TREM1: variants seen among roughly 807,000 people sequenced by gnomAD.
The protein encoded by TREM1 is triggering receptor expressed on monocytes 1.
TREM1 carries 16 observed loss-of-function variants against 22.4 expected under a neutral mutation model. The ratio of observed to expected loss-of-function variants is 0.71; its 90% CI spans 0.48 to 1.08. The LOEUF is 1.08. Ranked by LOEUF, TREM1 falls within the 50% of genes least tolerant of loss-of-function variation. The pLI, the probability that TREM1 is intolerant of heterozygous loss-of-function variation, is 0.00. For missense variants in TREM1, 283 were observed against 282.9 expected, an observed-to-expected ratio of 1.00 and a Z score of 0.00; for synonymous variants, 110 against 111.6, an observed-to-expected ratio of 0.99 and a Z score of 0.09.
rs988061729 is a variant in TREM1, at chr6:41,283,355, A to G, written c.50-604T>C. Among the ~76,000 whole-genome samples the G allele has an allele frequency of 2.2e-4, 34 of 152,066 alleles. 1 individual carries two copies. Among genetic ancestry groups the G allele is most frequent in the African/African-American group, 7.0e-4 (29 of 41,404 alleles). On this transcript the variant is annotated intron_variant, in intron 1 of 3. Transcript: ENST00000244709. Reference sequence around the variant, plus strand: ...CAAGGGAACGATCCTGTGTGGCTCTACTGTTGGGGCAGCCCACATTCTCAA... The same window carrying G: ...CAAGGGAACGATCCTGTGTGGCTCTGCTGTTGGGGCAGCCCACATTCTCAA...
intron 3 of TREM1, among the ~76,000 whole-genome samples, chr6:41,278,512 A>G (rs1163715433): frequency 1.3e-5 from 2 of 151,874 alleles, no homozygotes; most frequent in African/African-American, 4.8e-5. Context: ...CTCTACAAAA[A>G]TAATAAAAAG....
chr6:41,285,836 A>C (rs1417367479), intron 1 of TREM1, among the ~76,000 whole-genome samples: 1 of 152,238 alleles, frequency 6.6e-6, no homozygotes. Flanking sequence ...GCAGTTGTCC[A>C]TGACTTTGCT....
intron 2 of TREM1, chr6:41,281,430 G>C (rs1767917334): frequency 4.7e-6 from 2 of 428,378 alleles, no homozygotes; most frequent in Non-Finnish European, 8.4e-6. Flanking sequence ...AGCAGAAAGA[G>C]AGAAGAAGAA....
chr6:41,270,420 G>T (rs2449826), downstream of TREM1, among the ~76,000 whole-genome samples: 4 of 139,862 alleles, frequency 2.9e-5, no homozygotes, highest in Admixed American at 7.3e-5. Context: ...ATATGTGTCT[G>T]TTTGCACATA....
intron 1 of TREM1, among the ~76,000 whole-genome samples, chr6:41,284,645 G>A (rs1268934423): frequency 1.3e-5 from 2 of 152,266 alleles, no homozygotes; most frequent in East Asian, 3.9e-4. Context: ...GGTAACACTA[G>A]TACTGCTGTT....
intron 3 of TREM1, among the ~76,000 whole-genome samples, chr6:41,276,803 A>G (rs1767689539): frequency 6.6e-6 from 1 of 152,142 alleles, no homozygotes; most frequent in Non-Finnish European, 1.5e-5. Flanking sequence ...GGTAAGACAC[A>G]GGGACAGACA....
intron 3 of TREM1, among the ~76,000 whole-genome samples, chr6:41,278,430 G>C (rs1475059706): frequency 6.6e-6 from 1 of 151,900 alleles, no homozygotes; most frequent in Non-Finnish European, 1.5e-5. Flanking sequence ...AGCACTTTGG[G>C]AGGCCGAGGT....
At chr6:41,278,887 G>A (rs1353024743) in intron 3 of TREM1, among the ~76,000 whole-genome samples, 3 of 152,274 alleles carry the variant, frequency 2.0e-5, no homozygotes, top group East Asian at 3.9e-4. Context: ...CCAAGGTCTA[G>A]GGGCAAGAAA....
At chr6:41,285,978 C>T (rs976227860) in intron 1 of TREM1, among the ~76,000 whole-genome samples, 4 of 152,166 alleles carry the variant, frequency 2.6e-5, no homozygotes, top group Admixed American at 1.3e-4. Context: ...GAATAAAGCC[C>T]GCATGCTTCT....
At chr6:41,282,040 G>C (rs1370418159) in intron 2 of TREM1, 1 of 242,798 alleles carries the variant, frequency 4.1e-6, no homozygotes, top group East Asian at 9.3e-5. Context: ...AGAAAGATGT[G>C]AGAGGGGCTG....
chr6:41,271,800 G>C (rs1767485080), downstream of TREM1, among the ~76,000 whole-genome samples: 3 of 152,096 alleles, frequency 2.0e-5, no homozygotes, highest in Admixed American at 2.0e-4. Flanking sequence ...CACATTACCT[G>C]ATCCCATTCC....
At chr6:41,270,481 A>G (rs915028192), downstream of TREM1, among the ~76,000 whole-genome samples, 1 of 132,764 alleles carries the variant, frequency 7.5e-6, no homozygotes, top group African/African-American at 2.8e-5. Context: ...ATATATATAT[A>G]TCTTAGCAAG....
downstream of TREM1, among the ~76,000 whole-genome samples, chr6:41,272,406 C>T (rs370812997): frequency 2.0e-5 from 3 of 152,294 alleles, no homozygotes; most frequent in East Asian, 5.8e-4. Context: ...CGCAAACAAA[C>T]ATTGTTCATC....
downstream of TREM1, among the ~76,000 whole-genome samples, chr6:41,272,198 T>C (rs4714449): frequency 0.87 from 132,291 of 152,136 alleles, 57,680 homozygotes; most frequent in East Asian, 0.95. Flanking sequence ...TGACAGCTTC[T>C]TTCCTGCCAT....
At chr6:41,270,274 C>G (rs1450132741), downstream of TREM1, 1 of 152,360 alleles carries the variant, frequency 6.6e-6, no homozygotes, top group Admixed American at 6.5e-5. Flanking sequence ...GATTTCTTCT[C>G]TCACCTCTGC....
chr6:41,282,436 G>A lies in TREM1; in HGVS notation c.365C>T (p.Pro122Leu). The change falls in exon 2 of 4, where the codon CCT (proline) becomes CTT (leucine). Residue 122 changes from proline to leucine, a missense_variant. Transcript: ENST00000244709. ...GCGGATGCGATCGAACAGCATGTGA[G>A]GCTCCTTGGGAGGCTGGTAGATCAC... Reference protein sequence around the residue: ...QCVIYQPPKEPHMLFDRIRLV... With the variant: ...QCVIYQPPKELHMLFDRIRLV... The A allele has an allele frequency of 6.2e-7, 1 of 1,613,988 alleles. No homozygotes were observed. Among genetic ancestry groups the A allele is most frequent in the Non-Finnish European group, 8.5e-7 (1 of 1,179,958 alleles).
chr6:41,279,038 G>A (rs1368357641), intron 3 of TREM1, among the ~76,000 whole-genome samples: 3 of 152,168 alleles, frequency 2.0e-5, no homozygotes, highest in Non-Finnish European at 4.4e-5. Flanking sequence ...CCATGCCCCA[G>A]CAGCAAAGAA....
intron 3 of TREM1, among the ~76,000 whole-genome samples, chr6:41,277,649 A>G (rs1479288572): frequency 6.6e-6 from 1 of 152,124 alleles, no homozygotes; most frequent in Non-Finnish European, 1.5e-5. Flanking sequence ...GCTGCACACA[A>G]GCTACCAACC....
chr6:41,268,874 C>T (rs966417656), downstream of TREM1, among the ~76,000 whole-genome samples: 1 of 152,154 alleles, frequency 6.6e-6, no homozygotes, highest in African/African-American at 2.4e-5. Flanking sequence ...TTGTAATCAG[C>T]CTGTCAGTGA....
Sources: allele counts gnomAD v4.1 joint callset (sites outside exome capture counted in the v4.1 genomes callset), GRCh38; gene constraint gnomAD v4.1.1; transcripts MANE v1.5; gene names NCBI Gene and HGNC (gene_info 2026-07-23, HGNC 2026-07-21).